UGT1A6: variants seen among roughly 807,000 people sequenced by gnomAD.
The protein encoded by UGT1A6 is UDP-glucuronosyltransferase 1A6.
UGT1A6 carries 32 observed loss-of-function variants against 44.4 expected under a neutral mutation model. That is an observed-to-expected ratio of 0.72 (90% confidence interval 0.54 to 0.97). The LOEUF is 0.97. UGT1A6 is among the 50% of genes least tolerant of loss of function. The pLI is 0.00. For missense variants in UGT1A6, 685 were observed against 661.9 expected (o/e 1.03, Z -0.38); for synonymous variants, 238 against 248.5 (o/e 0.96, Z 0.40).
At position 233,768,455 on chromosome 2, in the gene UGT1A6, C is replaced by T. The variant is rs781674536; in HGVS notation, c.1301+16C>T. 1.9e-6 allele frequency: 3 copies of T among 1,610,240 alleles called. No individual in the cohort carries two copies. The highest frequency in any genetic ancestry group is 2.2e-5 in the East Asian group (1 of 44,770). On this transcript the variant is annotated intron_variant, in intron 4 of 4. Coordinates refer to ENST00000305139, the MANE Select transcript of UGT1A6 (RefSeq NM_001072.4). ...ATGACAAAAGGTAAGAAAGAAGATA[C>T]AGAAGAATACTTTGGTCATGGCATT... is the stretch of plus-strand genomic sequence containing the variant.
chr2:233,731,059 T>C (rs1284464869), intron 1 of UGT1A6, among the ~76,000 whole-genome samples: 2 of 152,240 alleles, frequency 1.3e-5, no homozygotes, highest in African/African-American at 2.4e-5. Flanking sequence ...TGTATGAACT[T>C]CCATGATTTA....
chr2:233,729,996 C>A (rs766095782), intron 1 of UGT1A6: 2 of 1,613,996 alleles, frequency 1.2e-6, no homozygotes, highest in Non-Finnish European at 1.7e-6. Flanking sequence ...TATCTCAGGT[C>A]TGTATTGGTG....
At chr2:233,745,969 A>C (rs939174435) in intron 1 of UGT1A6, among the ~76,000 whole-genome samples, 8 of 151,718 alleles carry the variant, frequency 5.3e-5, no homozygotes, top group Non-Finnish European at 1.0e-4. Context: ...AGGGGCCCTG[A>C]AATGGGACCA....
rs370458841 is a variant in UGT1A6, at chr2:233,693,313, A to T, written c.309A>T (p.Ser103=). 2 of 1,614,218 alleles carry T rather than the reference A, an allele frequency of 1.2e-6. No homozygotes were observed. Among genetic ancestry groups the T allele is most frequent in the East Asian group, 4.5e-5 (2 of 44,892 alleles). The change falls in exon 1 of 5, where the codon TCA becomes TCT. Residue 103 remains serine (S), a synonymous_variant. Transcript: ENST00000305139. Reference sequence around the variant, plus strand: ...GAAACAATCACTTTGCTGAGCGATCATTCCTAACTGCTCCTCAGACAGAGT... The same window carrying T: ...GAAACAATCACTTTGCTGAGCGATCTTTCCTAACTGCTCCTCAGACAGAGT... ...SFGNNHFAER[S]FLTAPQTEYR... is the part of the protein sequence containing the mutation.
At chr2:233,763,737 C>T (rs1348809742) in intron 1 of UGT1A6, among the ~76,000 whole-genome samples, 2 of 152,090 alleles carry the variant, frequency 1.3e-5, no homozygotes, top group East Asian at 1.9e-4. Context: ...CTGGCATTGG[C>T]GTGTCTTTGG....
Position 233,760,349 on chromosome 2 carries a change from G to C in UGT1A6, c.862-6685G>C. On this transcript the variant is annotated intron_variant, in intron 1 of 4. Coordinates refer to ENST00000305139, the MANE Select transcript of UGT1A6 (RefSeq NM_001072.4). ...CTGGGCCTGCTGCTGTGTGTGCTGG[G>C]CCCAGTGGTGTCCCATGCTGGGAAG... is the stretch of plus-strand genomic sequence containing the variant. 4 of 1,614,050 alleles carry C rather than the reference G, an allele frequency of 2.5e-6. No homozygotes were observed. The Middle Eastern group carries it at 5.0e-4, about 200-fold the overall frequency.
chr2:233,762,063 T>A (rs1697956062), intron 1 of UGT1A6, among the ~76,000 whole-genome samples: 1 of 152,180 alleles, frequency 6.6e-6, no homozygotes, highest in Non-Finnish European at 1.5e-5. Flanking sequence ...TCATAGCACA[T>A]CAAATATGGC....
rs191127700 is a variant in UGT1A6, at chr2:233,728,874, G to T, written c.861+35009G>T. 1.3e-4 allele frequency among the ~76,000 whole-genome samples: 20 copies of T among 152,302 alleles called. No homozygotes were observed. In the East Asian group the frequency reaches 3.7e-3, roughly 28 times the overall value. Reference sequence around the variant, plus strand: ...GATGAGAAACAAGAGCTTGAACTTGGATGTTCCCCAGAGTGAGCACAGGGT... The same window carrying T: ...GATGAGAAACAAGAGCTTGAACTTGTATGTTCCCCAGAGTGAGCACAGGGT... On this transcript the variant is annotated intron_variant, in intron 1 of 4. Transcript: ENST00000305139.
chr2:233,755,791 C>T (rs1696023449), intron 1 of UGT1A6: 1 of 152,494 alleles, frequency 6.6e-6, no homozygotes, highest in Admixed American at 6.5e-5. Flanking sequence ...ATCATATGTA[C>T]TGCATTAGAG....
intron 1 of UGT1A6, chr2:233,729,374 C>T (rs143192251): frequency 1.1e-5 from 17 of 1,613,890 alleles, no homozygotes; most frequent in Non-Finnish European, 5.1e-6. Context: ...TATGCCATTT[C>T]GTGGACCCAG....
intron 1 of UGT1A6, chr2:233,743,500 G>C (rs1692320466): frequency 7.3e-7 from 1 of 1,366,958 alleles, no homozygotes; most frequent in African/African-American, 1.5e-5. Flanking sequence ...AGAGAAAAGG[G>C]GTGCAGACGC....
chr2:233,755,426 C>G, intron 1 of UGT1A6: 1 of 320,654 alleles, frequency 3.1e-6, no homozygotes, highest in South Asian at 2.7e-5. Flanking sequence ...GAGCGCCTCG[C>G]ATCCCAAGAT....
chr2:233,754,611 T>A (rs562553027), intron 1 of UGT1A6: 1 of 437,308 alleles, frequency 2.3e-6, no homozygotes, highest in East Asian at 7.0e-5. Flanking sequence ...CAACTCTCCA[T>A]CTTCCTCCAC....
intron 4 of UGT1A6, 140 bp downstream of exon 4, chr2:233,768,579 CTTCTT>C (rs1699651499): frequency 9.6e-6 from 9 of 934,870 alleles, no homozygotes; most frequent in Non-Finnish European, 1.1e-5. Flanking sequence ...ATTTTTATTT[CTTCTT>C]TTTTTTTTTT....
chr2:233,718,602 C>T (rs3732219), intron 1 of UGT1A6, among the ~76,000 whole-genome samples: 15,139 of 152,232 alleles, frequency 0.099, 881 homozygotes, highest in East Asian at 0.2. Flanking sequence ...GTCAGATGAG[C>T]TTTTCAAGAT....
chr2:233,712,992 A>T (rs1437373370), intron 1 of UGT1A6: 1 of 1,613,364 alleles, frequency 6.2e-7, no homozygotes, highest in South Asian at 1.1e-5. Flanking sequence ...TTCTGCTGAG[A>T]TGGCCACAGG....
rs150749285 is a variant in UGT1A6 at position 233,754,499 on chromosome 2, C to T, written c.862-12535C>T. On this transcript the variant is annotated intron_variant, in intron 1 of 4. Coordinates refer to ENST00000305139, the MANE Select transcript of UGT1A6 (RefSeq NM_001072.4). ...TTCACTTTCAATCCTAAAAAAAGTCCGCTATTCCTCCAGATGTGCTTAAAG... is the reference window on the plus strand; with the variant it reads ...TTCACTTTCAATCCTAAAAAAAGTCTGCTATTCCTCCAGATGTGCTTAAAG... The T allele has an allele frequency of 2.1e-3, 765 of 355,996 alleles. 11 individuals carry two copies. Among genetic ancestry groups the T allele is most frequent in the African/African-American group, 0.015 (707 of 46,828 alleles). The allele number at this position is 355,996 out of a possible 1,614,324, so 22.1% of individuals were successfully genotyped here. A position where few individuals can be genotyped will look rare whatever the true frequency, so the allele number is the denominator to read the frequency against.
In UGT1A6 at chr2:233,693,216, A is replaced by G; in HGVS notation, c.212A>G (p.Lys71Arg). 6.2e-7 allele frequency: 1 copy of G among 1,614,196 alleles called. No individual in the cohort carries two copies. Residue 71 changes from lysine to arginine, a missense_variant, in exon 1 of 5, where the codon AAA becomes AGA. Lys to Arg is a conservative substitution (Grantham distance 26). Transcript: ENST00000305139. ...GTTAATTTGCTTTTGAAAGAATCCAAATACTACACAAGAAAAATCTATCCA... is the reference window on the plus strand; with the variant it reads ...GTTAATTTGCTTTTGAAAGAATCCAGATACTACACAAGAAAAATCTATCCA... ...PEVNLLLKES[K>R]YYTRKIYPVP...
Position 233,768,357 on chromosome 2 carries a change from G to A in UGT1A6, c.1219G>A (p.Gly407Arg). Residue 407 changes from glycine (G) to arginine (R), a missense_variant, in exon 4 of 5, where the codon GGA becomes AGA. By Grantham distance (125) the Gly-to-Arg change is moderately radical. Transcript: ENST00000305139. ...CAATGCAAAGCGCATGGAGACTAAG[G>A]GAGCTGGAGTGACCCTGAATGTTCT... ...MDNAKRMETK[G>R]AGVTLNVLEM... 6 of 1,614,142 alleles carry A rather than the reference G, an allele frequency of 3.7e-6. No homozygotes were observed. The highest frequency in any genetic ancestry group is 5.1e-6 in the Non-Finnish European group (6 of 1,180,032).
Sources: gnomAD v4.1 joint callset for allele counts (sites outside exome capture counted in the v4.1 genomes callset) on GRCh38, gnomAD v4.1.1 for gene constraint, MANE v1.5 for transcripts, NCBI Gene and HGNC (gene_info 2026-07-23, HGNC 2026-07-21) for gene names.